The following LPIN1 variants were observed in gnomAD, a reference collection of about 807,000 sequenced individuals.
LPIN1 encodes the protein lipin 1, also known as phosphatidate phosphatase LPIN1.
A neutral mutation model predicts 107.5 loss-of-function variants in LPIN1; 71 were observed. The observed-to-expected ratio is 0.66, with a 90% CI of 0.55 to 0.80. The LOEUF is 0.80. Ranked by LOEUF, LPIN1 falls within the 30% of genes least tolerant of loss-of-function variation. The pLI, the probability that LPIN1 is intolerant of heterozygous loss-of-function variation, is 0.00. For synonymous variants in LPIN1, 445 were observed against 452.6 expected (o/e 0.98, Z 0.21); for missense variants, 1,043 against 1,160.6 (o/e 0.90, Z 1.47).
At chr2:11,805,952 G>A (rs916584820) in intron 17 of LPIN1, among the ~76,000 whole-genome samples, 17 of 152,066 alleles carry the variant, frequency 1.1e-4, no homozygotes, top group Non-Finnish European at 2.1e-4. Context: ...GCTCAGTCAT[G>A]CCTCCTCCAG....
At position 11,782,780 on chromosome 2, in the gene LPIN1, C is replaced by T. The variant is rs56124251; in HGVS notation, c.1264+273C>T. On this transcript the variant is annotated intron_variant, in intron 8 of 20. Coordinates refer to ENST00000674199, the MANE Select transcript of LPIN1 (RefSeq NM_001349206.2). ...AGACCTGGGAGAGTTAAGTCCTTTC[C>T]AGCACACCATGGGACCCATAAGTGT... Among the ~76,000 whole-genome samples, 29,242 of 152,156 alleles carry T rather than the reference C, an allele frequency of 0.19. 3,201 individuals are homozygous for T. Among genetic ancestry groups the T allele is most frequent in the Non-Finnish European group, 0.25 (16,758 of 67,988 alleles).
At chr2:11,749,068 A>G (rs965143767) in intron 1 of LPIN1, among the ~76,000 whole-genome samples, 8 of 152,144 alleles carry the variant, frequency 5.3e-5, no homozygotes, top group African/African-American at 1.7e-4. Flanking sequence ...TTGACACTTT[A>G]TTGAACCCTG....
chr2:11,821,315 G>A (rs1181430596), intron 20 of LPIN1, among the ~76,000 whole-genome samples: 19 of 152,160 alleles, frequency 1.2e-4, no homozygotes, highest in African/African-American at 4.6e-4. Flanking sequence ...TCAGGAGTTC[G>A]AGACCAGCCT....
chr2:11,733,324 G>A (rs955512368), intron 1 of LPIN1, among the ~76,000 whole-genome samples: 1 of 152,134 alleles, frequency 6.6e-6, no homozygotes, highest in Non-Finnish European at 1.5e-5. Context: ...ATTGGAGCCT[G>A]GGCAGATGAA....
chr2:11,724,058 T>G (rs1664358650), upstream of LPIN1: 1 of 152,224 alleles, frequency 6.6e-6, no homozygotes, highest in Non-Finnish European at 1.5e-5. Flanking sequence ...TCTCTTCTAG[T>G]TAGCTTGCTA....
At chr2:11,703,046 C>T (rs1276668046) in intron 1 of LPIN1, among the ~76,000 whole-genome samples, 1 of 152,112 alleles carries the variant, frequency 6.6e-6, no homozygotes, top group Non-Finnish European at 1.5e-5. Flanking sequence ...ACTATTTGCT[C>T]AGTAAGAAAG....
intron 1 of LPIN1, among the ~76,000 whole-genome samples, chr2:11,749,271 G>A (rs1332907109): frequency 6.6e-6 from 1 of 152,112 alleles, no homozygotes; most frequent in East Asian, 1.9e-4. Context: ...AGGGTCTGGA[G>A]AGAGAGAGGG....
chr2:11,715,736 G>A (rs191829382), intron 2 of LPIN1, among the ~76,000 whole-genome samples: 4 of 152,238 alleles, frequency 2.6e-5, no homozygotes, highest in Non-Finnish European at 2.9e-5. Context: ...ATACCAGTTG[G>A]CCAAGCACAG....
At chr2:11,725,075 A>C (rs935650135) in intron 1 of LPIN1, among the ~76,000 whole-genome samples, 5 of 152,154 alleles carry the variant, frequency 3.3e-5, no homozygotes, top group South Asian at 4.2e-4. Flanking sequence ...TCCCGGCTAA[A>C]ACAGTGAAAT....
chr2:11,698,972 C>A (rs1271713701), intron 1 of LPIN1, among the ~76,000 whole-genome samples: 1 of 152,236 alleles, frequency 6.6e-6, no homozygotes, highest in African/African-American at 2.4e-5. Context: ...CAATGGTCCG[C>A]TGGCCGTATG....
chr2:11,814,514 G>A lies in LPIN1; in HGVS notation c.2250-574G>A, dbSNP rs1250301785. 6.6e-5 allele frequency among the ~76,000 whole-genome samples: 6 copies of A among 90,292 alleles called. No individual in the cohort carries two copies. The South Asian group carries it at 1.6e-3, about 24-fold the overall frequency. 59.2% of individuals were successfully genotyped at this position (90,292 alleles called of 152,430 possible). On this transcript the variant is annotated intron_variant, in intron 17 of 20. Coordinates refer to ENST00000674199, the MANE Select transcript of LPIN1 (RefSeq NM_001349206.2). ...TAAGGATGTTTTGGTGTGTGTGCAT[G>A]TGTGTGTGTGTGTGTGTGTGTGTGT...
At chr2:11,770,403 T>C (rs1482692310) in intron 3 of LPIN1, among the ~76,000 whole-genome samples, 1 of 152,172 alleles carries the variant, frequency 6.6e-6, no homozygotes, top group East Asian at 1.9e-4. Flanking sequence ...TGTGGGGGTC[T>C]GCCTGGCTGC....
At chr2:11,785,564 C>G (rs974822551) in intron 10 of LPIN1, among the ~76,000 whole-genome samples, 11 of 152,306 alleles carry the variant, frequency 7.2e-5, no homozygotes, top group African/African-American at 2.4e-4. Flanking sequence ...CCTGACAGTT[C>G]CATGGCAGGG....
intron 3 of LPIN1, 132 bp downstream of exon 3, chr2:11,767,990 G>A: frequency 1.4e-6 from 1 of 719,378 alleles, no homozygotes. Context: ...AGAGAAAAGT[G>A]GGCGTTGATC....
At chr2:11,712,368 A>C (rs1663472902) in intron 1 of LPIN1, among the ~76,000 whole-genome samples, 2 of 152,136 alleles carry the variant, frequency 1.3e-5, no homozygotes, top group South Asian at 4.1e-4. Context: ...CATTCCCCAC[A>C]GGCAGATGCT....
At chr2:11,797,028 G>A (rs1045299404) in intron 14 of LPIN1, among the ~76,000 whole-genome samples, 1 of 152,168 alleles carries the variant, frequency 6.6e-6, no homozygotes, top group African/African-American at 2.4e-5. Context: ...TGCATGGGAG[G>A]CATGCTACCC....
intron 1 of LPIN1, among the ~76,000 whole-genome samples, chr2:11,706,185 A>C (rs916418334): frequency 2.0e-5 from 3 of 152,204 alleles, no homozygotes; most frequent in Admixed American, 6.5e-5. Flanking sequence ...GTATGTCTTT[A>C]TCAGCAGTGT....
chr2:11,757,013 A>T (rs1229893404), intron 1 of LPIN1, among the ~76,000 whole-genome samples: 1 of 152,240 alleles, frequency 6.6e-6, no homozygotes, highest in Non-Finnish European at 1.5e-5. Flanking sequence ...TTGCCAAAGG[A>T]TATTTGTAAG....
intron 14 of LPIN1, 90 bp downstream of exon 14, chr2:11,795,577 A>G: frequency 3.5e-6 from 4 of 1,159,138 alleles, no homozygotes; most frequent in Non-Finnish European, 5.2e-6. Flanking sequence ...AGGGTTCACC[A>G]CACAGTTCCA....
Sources: gnomAD v4.1 joint callset for allele counts (sites outside exome capture counted in the v4.1 genomes callset) on GRCh38, gnomAD v4.1.1 for gene constraint, MANE v1.5 for transcripts, NCBI Gene and HGNC (gene_info 2026-07-23, HGNC 2026-07-21) for gene names.